ZNF644: variants seen among roughly 807,000 people sequenced by gnomAD.
ZNF644 encodes zinc finger motif enhancer binding protein 2.
In ZNF644, 20 loss-of-function variants were observed where a neutral mutation model predicts 108.0. The ratio of observed to expected loss-of-function variants is 0.19; its 90% CI spans 0.13 to 0.27. ZNF644 has a LOEUF of 0.27. Among genes scored for constraint, ZNF644 ranks in the 10% least tolerant of loss-of-function variants. ZNF644 has a pLI of 1.00. For synonymous variants in ZNF644, 542 were observed against 539.1 expected (o/e 1.01, Z -0.08); for missense variants, 1,338 against 1,548.9 (o/e 0.86, Z 2.29).
chr1:90,935,635 C>T (rs1557560632), intron 4 of ZNF644: 1 of 781,098 alleles, frequency 1.3e-6, no homozygotes, highest in Non-Finnish European at 1.6e-6. Flanking sequence ...GTTTTCAAAA[C>T]GTTCAATGAA....
chr1:90,936,001 G>A (rs1181355375), intron 4 of ZNF644, among the ~76,000 whole-genome samples: 5 of 152,144 alleles, frequency 3.3e-5, no homozygotes, highest in Non-Finnish European at 5.9e-5. Flanking sequence ...GCTTTCTGAT[G>A]AAGGCTGGGA....
intron 2 of ZNF644, among the ~76,000 whole-genome samples, chr1:90,966,747 C>CAAA (rs67549954): frequency 4.6e-4 from 34 of 73,850 alleles, no homozygotes; most frequent in South Asian, 1.1e-3. Flanking sequence ...GACTCAGTCT[C>CAAA]AAAAAAAAAA....
At chr1:91,003,644 C>T (rs985085708) in intron 1 of ZNF644, among the ~76,000 whole-genome samples, 2 of 147,952 alleles carry the variant, frequency 1.4e-5, no homozygotes, top group Non-Finnish European at 2.9e-5. Flanking sequence ...AACAAACCTG[C>T]ACATTGTGCA....
intron 1 of ZNF644, among the ~76,000 whole-genome samples, chr1:90,995,566 A>G (rs1468125195): frequency 6.6e-6 from 1 of 152,164 alleles, no homozygotes; most frequent in African/African-American, 2.4e-5. Flanking sequence ...GAATATACAC[A>G]AAGAGCCACA....
In ZNF644 at chr1:90,940,167, G is replaced by C; in HGVS notation, c.1187C>G (p.Ser396Cys). The C allele has an allele frequency of 6.2e-7, 1 of 1,613,970 alleles. No individual in the cohort carries two copies. Among genetic ancestry groups the C allele is most frequent in the Non-Finnish European group, 8.5e-7 (1 of 1,179,926 alleles). ...GGTACTGAAAGTAGCAGGTGACTCA[G>C]AATCACTCTCTTCACATTTCTTTTT... ...TLKKKCEESD[S>C]ESPATFSTEE... The change falls in exon 3 of 6, where the codon TCT becomes TGT. Residue 396 changes from serine to cysteine, a missense_variant. Transcript: ENST00000337393.
In ZNF644 at chr1:90,939,697, T is replaced by G; in HGVS notation, c.1657A>C (p.Lys553Gln). ...ATATCAGAAGTGACCATAGGGCATT[T>G]TACCACTGCCCCATGTGCAATGCCT... ...HRGIAHGAVVKCPMVTSDIAQ... is the reference protein window; with the variant it reads ...HRGIAHGAVVQCPMVTSDIAQ... Residue 553 changes from lysine (K) to glutamine (Q), a missense_variant, in exon 3 of 6, where the codon AAA (lysine) becomes CAA (glutamine). Coordinates refer to ENST00000337393, the MANE Select transcript of ZNF644 (RefSeq NM_201269.3). 1 of 1,614,068 alleles carries G rather than the reference T, an allele frequency of 6.2e-7. No homozygotes were observed. Among genetic ancestry groups the G allele is most frequent in the Non-Finnish European group, 8.5e-7 (1 of 1,179,950 alleles).
rs528532085 is a variant in ZNF644, at chr1:90,945,791, A to C, written c.45-4482T>G. Among the ~76,000 whole-genome samples, 10 of 152,186 alleles carry C rather than the reference A, an allele frequency of 6.6e-5. No individual in the cohort carries two copies. The South Asian group carries it at 2.1e-3, about 32-fold the overall frequency. On this transcript the variant is annotated intron_variant, in intron 2 of 5. Transcript: ENST00000337393. The stretch of plus-strand genomic sequence containing the variant: ...AGCTTAATTTCATTCTTTTATGTAC[A>C]TTATTAATTGTATTTATTGCAAGTA...
chr1:90,973,759 A>G (rs899967210), intron 2 of ZNF644, among the ~76,000 whole-genome samples: 2 of 152,164 alleles, frequency 1.3e-5, no homozygotes, highest in African/African-American at 4.8e-5. Flanking sequence ...AGACGTCAAT[A>G]TTTAGCACTT....
At chr1:90,946,586 T>C (rs1028245266) in intron 2 of ZNF644, among the ~76,000 whole-genome samples, 2 of 152,124 alleles carry the variant, frequency 1.3e-5, no homozygotes, top group Non-Finnish European at 2.9e-5. Flanking sequence ...AAATTCACAA[T>C]TACCTGAAAT....
Position 90,946,554 on chromosome 1 carries a change from C to T in ZNF644, c.45-5245G>A, listed in dbSNP as rs1011514697. On this transcript the variant is annotated intron_variant, in intron 2 of 5. Coordinates refer to ENST00000337393, the MANE Select transcript of ZNF644 (RefSeq NM_201269.3). Reference sequence around the variant, plus strand: ...AGCAAAAAACTGAAGAATTACACTACTGAGCCTTAAAAGTATTCTTTAAAT... The same window carrying T: ...AGCAAAAAACTGAAGAATTACACTATTGAGCCTTAAAAGTATTCTTTAAAT... Among the ~76,000 whole-genome samples the T allele has an allele frequency of 3.9e-5, 6 of 152,220 alleles. No homozygotes were observed. In the South Asian group the frequency reaches 1.0e-3, roughly 26 times the overall value.
At chr1:91,006,500 CA>C (rs964160504) in intron 1 of ZNF644, among the ~76,000 whole-genome samples, 5 of 152,104 alleles carry the variant, frequency 3.3e-5, no homozygotes, top group Non-Finnish European at 7.4e-5. Flanking sequence ...CAAACTCTTC[CA>C]AAAAATAGGA....
chr1:90,940,260 T>C lies in ZNF644; in HGVS notation c.1094A>G (p.Tyr365Cys), dbSNP rs1195231718. Reference protein sequence around the residue: ...ESVDAFQHLIYNPDKCGEESS... With the variant: ...ESVDAFQHLICNPDKCGEESS... ...CTCTTCTCCACACTTATCTGGGTTA[T>C]AAATTAGATGTTGGAAGGCATCCAC... Residue 365 changes from tyrosine (Y) to cysteine (C), a missense_variant, in exon 3 of 6, where the codon TAT (tyrosine) becomes TGT (cysteine). This residue lies in a region of ZNF644 where 464 missense variants were observed against 457.9 expected (regional missense o/e 1.01). Transcript: ENST00000337393. 9.3e-6 allele frequency: 15 copies of C among 1,614,066 alleles called. No homozygotes were observed. The highest frequency in any genetic ancestry group is 1.3e-5 in the Non-Finnish European group (15 of 1,179,978).
chr1:90,994,101 T>C (rs58569030), intron 1 of ZNF644, among the ~76,000 whole-genome samples: 2,028 of 152,254 alleles, frequency 0.013, 52 homozygotes, highest in African/African-American at 0.045. Flanking sequence ...TGCTTCTTAG[T>C]ACATTTGCAA....
intron 1 of ZNF644, among the ~76,000 whole-genome samples, chr1:91,012,786 G>A (rs1364565224): frequency 2.0e-5 from 3 of 151,950 alleles, no homozygotes; most frequent in Non-Finnish European, 2.9e-5. Flanking sequence ...ATACTTATAT[G>A]TATAAATTCA....
intron 1 of ZNF644, among the ~76,000 whole-genome samples, chr1:91,004,048 T>C (rs1393295513): frequency 1.3e-5 from 2 of 152,048 alleles, no homozygotes; most frequent in South Asian, 2.1e-4. Flanking sequence ...TAAAAATCCA[T>C]AGGGCCTAAG....
At chr1:90,975,696 A>T (rs911665231) in intron 2 of ZNF644, among the ~76,000 whole-genome samples, 1 of 152,170 alleles carries the variant, frequency 6.6e-6, no homozygotes, top group African/African-American at 2.4e-5. Flanking sequence ...CACCTGCCTC[A>T]GCCTCCCAAA....
intron 1 of ZNF644, among the ~76,000 whole-genome samples, chr1:91,006,954 T>C (rs189387927): frequency 2.2e-4 from 33 of 152,298 alleles, no homozygotes; most frequent in Admixed American, 1.6e-3. Flanking sequence ...AATGAATAGT[T>C]TGGAAATAAC....
rs1434496592 is a variant in ZNF644 at position 90,980,016 on chromosome 1, C to T, written c.44+2294G>A. On this transcript the variant is annotated intron_variant, in intron 2 of 5. Coordinates refer to ENST00000337393, the MANE Select transcript of ZNF644 (RefSeq NM_201269.3). ...TCAGTGGCTCCTTCCTATGGCCCAA[C>T]AGCAACTCAAGTGCCAATGCCCCCA... Among the ~76,000 whole-genome samples, 6 of 152,178 alleles carry T rather than the reference C, an allele frequency of 3.9e-5. No individual in the cohort carries two copies. In the South Asian group the frequency reaches 6.2e-4, roughly 16 times the overall value.
At chr1:90,979,255 T>C (rs1437183478) in intron 2 of ZNF644, among the ~76,000 whole-genome samples, 2 of 152,184 alleles carry the variant, frequency 1.3e-5, no homozygotes, top group Non-Finnish European at 2.9e-5. Context: ...GTGGGTCACC[T>C]GAGGTCAGGA....
Sources: allele counts gnomAD v4.1 joint callset (sites outside exome capture counted in the v4.1 genomes callset), GRCh38; gene constraint gnomAD v4.1.1; regional missense constraint gnomAD v4.1.1; transcripts MANE v1.5; gene names NCBI Gene and HGNC (gene_info 2026-07-23, HGNC 2026-07-21).